TMEM178B: variants seen among roughly 807,000 people sequenced by gnomAD.
TMEM178B encodes the protein transmembrane protein 178B.
A neutral mutation model predicts 31.0 loss-of-function variants in TMEM178B; 5 were observed. The ratio of observed to expected loss-of-function variants is 0.16; its 90% CI spans 0.08 to 0.34. The LOEUF is 0.34. TMEM178B is among the 10% of genes least tolerant of loss of function. The probability of loss-of-function intolerance (pLI) is 1.00; values close to 1 mark genes in which losing one functional copy is unlikely to be tolerated. For missense variants in TMEM178B, 275 were observed against 400.3 expected (o/e 0.69, Z 2.67); for synonymous variants, 164 against 164.0 (o/e 1.00, Z 0.00).
chr7:141,296,317 C>A (rs1563144120), intron 2 of TMEM178B, among the ~76,000 whole-genome samples: 1 of 152,184 alleles, frequency 6.6e-6, no homozygotes, highest in Non-Finnish European at 1.5e-5. Context: ...ATCCACCTGC[C>A]TCAGCCTCCC....
chr7:141,488,176 T>C, the TMEM178B span, among the ~76,000 whole-genome samples: 23 of 152,266 alleles, frequency 1.5e-4, no homozygotes, highest in African/African-American at 5.3e-4. Context: ...TTATGCAAAG[T>C]AGTTCTCATT....
At chr7:141,366,854 C>T (rs77795417) in intron 2 of TMEM178B, among the ~76,000 whole-genome samples, 9,885 of 152,114 alleles carry the variant, frequency 0.065, 436 homozygotes, top group East Asian at 0.18. Context: ...TGCTCAGGCT[C>T]TCCGGCCCAC....
intron 1 of TMEM178B, among the ~76,000 whole-genome samples, chr7:141,159,697 C>G (rs1025924678): frequency 6.6e-6 from 1 of 152,046 alleles, no homozygotes; most frequent in African/African-American, 2.4e-5. Context: ...GTAAGCCAGA[C>G]ACAGTAAGAC....
At chr7:141,180,784 A>T (rs1486014720) in intron 1 of TMEM178B, among the ~76,000 whole-genome samples, 1 of 152,186 alleles carries the variant, frequency 6.6e-6, no homozygotes, top group African/African-American at 2.4e-5. Context: ...TTGACCTAAG[A>T]CTTGTCTCCT....
intron 3 of TMEM178B, among the ~76,000 whole-genome samples, chr7:141,447,796 T>C (rs574923886): frequency 1.5e-4 from 23 of 152,090 alleles, no homozygotes; most frequent in Admixed American, 1.4e-3. Flanking sequence ...CTGTACCAGC[T>C]ATACAATTTG....
chr7:141,205,010 G>C (rs1354627181), intron 1 of TMEM178B, among the ~76,000 whole-genome samples: 1 of 151,966 alleles, frequency 6.6e-6, no homozygotes, highest in Non-Finnish European at 1.5e-5. Flanking sequence ...TTTTTTTATA[G>C]AGACGGGGTC....
At chr7:141,467,342 TCA>T (rs1442558811) in intron 3 of TMEM178B, among the ~76,000 whole-genome samples, 1 of 151,994 alleles carries the variant, frequency 6.6e-6, no homozygotes, top group Non-Finnish European at 1.5e-5. Flanking sequence ...CACACACACA[TCA>T]CACACATGCA....
chr7:141,125,887 A>G (rs1194819512), intron 1 of TMEM178B, among the ~76,000 whole-genome samples: 1 of 152,192 alleles, frequency 6.6e-6, no homozygotes, highest in Non-Finnish European at 1.5e-5. Context: ...TATAAGTTGT[A>G]TTTAACCTGT....
At chr7:141,490,476 C>A in the TMEM178B span, among the ~76,000 whole-genome samples, 1 of 152,204 alleles carries the variant, frequency 6.6e-6, no homozygotes. Flanking sequence ...TTGCCAGTAA[C>A]AACCAGCAGC....
rs116601154 is a variant in TMEM178B, at chr7:141,402,140, C to A, written c.497-35468C>A. Among the ~76,000 whole-genome samples the A allele has an allele frequency of 9.4e-3, 1,431 of 152,288 alleles. 23 individuals carry two copies. The highest frequency in any genetic ancestry group is 0.039 in the South Asian group (188 of 4,824). On this transcript the variant is annotated intron_variant, in intron 2 of 3. Coordinates refer to ENST00000565468, the MANE Select transcript of TMEM178B (RefSeq NM_001195278.2). ...ACAGTCCTGCCCTCCGGAGGACCCGCTCACTACACTAAAAGGCACTCCAAG... is the reference window on the plus strand; with the variant it reads ...ACAGTCCTGCCCTCCGGAGGACCCGATCACTACACTAAAAGGCACTCCAAG...
intron 2 of TMEM178B, among the ~76,000 whole-genome samples, chr7:141,287,904 T>G (rs549718569): frequency 6.6e-6 from 1 of 152,298 alleles, no homozygotes; most frequent in African/African-American, 2.4e-5. Flanking sequence ...AAACTAAGAG[T>G]TTTGCCTTCT....
At chr7:141,349,065 C>T (rs893654800) in intron 2 of TMEM178B, among the ~76,000 whole-genome samples, 8 of 152,092 alleles carry the variant, frequency 5.3e-5, no homozygotes, top group Non-Finnish European at 1.5e-5. Flanking sequence ...GTTATCTTTC[C>T]ACTAGACTTT....
intron 2 of TMEM178B, among the ~76,000 whole-genome samples, chr7:141,436,531 G>A (rs1801544504): frequency 6.6e-6 from 1 of 152,144 alleles, no homozygotes; most frequent in African/African-American, 2.4e-5. Flanking sequence ...GAGCTGTGGT[G>A]GGTGTTGGTG....
At chr7:141,311,876 A>C (rs748554682) in intron 2 of TMEM178B, among the ~76,000 whole-genome samples, 8 of 152,192 alleles carry the variant, frequency 5.3e-5, no homozygotes, top group Non-Finnish European at 8.8e-5. Flanking sequence ...ATGGCACCTG[A>C]ATGGAACTGG....
At chr7:141,462,102 G>C (rs949044777) in intron 3 of TMEM178B, among the ~76,000 whole-genome samples, 1 of 152,186 alleles carries the variant, frequency 6.6e-6, no homozygotes, top group South Asian at 2.1e-4. Context: ...ATTGGCCCCA[G>C]AGTAGAAAGC....
chr7:141,339,783 C>G (rs1799486210), intron 2 of TMEM178B, among the ~76,000 whole-genome samples: 1 of 152,216 alleles, frequency 6.6e-6, no homozygotes, highest in Non-Finnish European at 1.5e-5. Flanking sequence ...GGACCAGGGA[C>G]AGCACAGACT....
At position 141,397,833 on chromosome 7, in the gene TMEM178B, A is replaced by C. The variant is rs113885970; in HGVS notation, c.497-39775A>C. Among the ~76,000 whole-genome samples, 372 of 152,334 alleles carry C rather than the reference A, an allele frequency of 2.4e-3. 3 individuals are homozygous for C. The highest frequency in any genetic ancestry group is 8.4e-3 in the African/African-American group (348 of 41,574). Reference sequence around the variant, plus strand: ...ATGCATCTCTTCGCCCACCCGAGGCAGAGGCAAGGAAGTTCTGCCCCCACT... The same window carrying C: ...ATGCATCTCTTCGCCCACCCGAGGCCGAGGCAAGGAAGTTCTGCCCCCACT... On this transcript the variant is annotated intron_variant, in intron 2 of 3. Transcript: ENST00000565468.
At chr7:141,486,568 C>G in the TMEM178B span, among the ~76,000 whole-genome samples, 1 of 152,066 alleles carries the variant, frequency 6.6e-6, no homozygotes, top group Admixed American at 6.6e-5. Flanking sequence ...TCCCTTGGTT[C>G]CCTACACTAC....
At chr7:141,340,301 T>TAAGATA (rs1799494489) in intron 2 of TMEM178B, among the ~76,000 whole-genome samples, 1 of 152,230 alleles carries the variant, frequency 6.6e-6, no homozygotes, top group South Asian at 2.1e-4. Flanking sequence ...TACAGAACTG[T>TAAGATA]AAGATAATCG....
Sources: allele counts gnomAD v4.1 joint callset (sites outside exome capture counted in the v4.1 genomes callset), GRCh38; gene constraint gnomAD v4.1.1; transcripts MANE v1.5; gene names NCBI Gene and HGNC (gene_info 2026-07-23, HGNC 2026-07-21).